The following RAB9B variants were observed in gnomAD, a reference collection of about 807,000 sequenced individuals.
RAB9B encodes the protein RAB9B, member RAS oncogene family, also known as ras-related protein Rab-9B.
A neutral mutation model predicts 8.9 loss-of-function variants in RAB9B; 1 was observed. The ratio of observed to expected loss-of-function variants is 0.11; its 90% confidence interval spans 0.04 to 0.53. The LOEUF (loss-of-function observed/expected upper bound fraction) is 0.53. Among genes scored for constraint, RAB9B ranks in the 20% least tolerant of loss-of-function variants. The probability of loss-of-function intolerance (pLI) is 0.93; values close to 1 mark genes in which losing one functional copy is unlikely to be tolerated. For missense variants in RAB9B, 82 were observed against 152.9 expected, an observed-to-expected ratio of 0.54 and a Z score of 2.45; for synonymous variants, 63 against 57.0, an observed-to-expected ratio of 1.10 and a Z score of -0.47.
Position 103,825,228 on chromosome X carries a change from T to G in RAB9B, c.557A>C (p.His186Pro). ...EEQLEHCMLG[H>P]TIDLNSGSKA... ...GGAGCCACTGTTCAAGTCAATGGTG[T>G]GACCCAACATGCAATGCTCCAGCTG... The change falls in exon 3 of 3, where the codon CAC becomes CCC. Residue 186 changes from histidine (H) to proline (P), a missense_variant. Coordinates refer to ENST00000243298, the MANE Select transcript of RAB9B (RefSeq NM_016370.4). 1 of 1,211,246 alleles carries G rather than the reference T, an allele frequency of 8.3e-7. No homozygotes were observed. Among genetic ancestry groups the G allele is most frequent in the African/African-American group, 1.7e-5 (1 of 57,700 alleles).
rs148062932 is a variant in RAB9B, at chrX:103,825,587, C to T, written c.198G>A (p.Gln66=). Residue 66 remains glutamine, a synonymous_variant, in exon 3 of 3, where the codon CAG becomes CAA. Transcript: ENST00000243298. The stretch of plus-strand genomic sequence containing the variant: ...GTGTCCTAAGGCTCTTGAAACGTTC[C>T]TGCCCTGCAGTGTCCCAGATCTGGA... ...VTLQIWDTAG[Q]ERFKSLRTPF... is the part of the protein sequence containing the mutation. 8.3e-7 allele frequency: 1 copy of T among 1,210,025 alleles called. No homozygotes were observed. The highest frequency in any genetic ancestry group is 1.7e-5 in the African/African-American group (1 of 57,181).
At chrX:103,796,845 T>TACA in the RAB9B span, among the ~76,000 whole-genome samples, 1 of 16,187 alleles carries the variant, frequency 6.2e-5, no homozygotes, top group Non-Finnish European at 1.1e-4. Flanking sequence ...ACACCGCCTC[T>TACA]ACAAAAAAAA....
chrX:103,814,327 C>A, the RAB9B span, among the ~76,000 whole-genome samples: 1 of 111,916 alleles, frequency 8.9e-6, no homozygotes, highest in African/African-American at 3.3e-5. Context: ...CAACCTGCTC[C>A]TGAATGACTA....
the RAB9B span, among the ~76,000 whole-genome samples, chrX:103,808,726 G>A: frequency 5.2e-3 from 582 of 112,954 alleles, 4 homozygotes; most frequent in African/African-American, 0.018. Context: ...TGGGGAGCCA[G>A]AGGCCAGGTG....
At chrX:103,800,579 G>T in the RAB9B span, among the ~76,000 whole-genome samples, 1 of 111,575 alleles carries the variant, frequency 9.0e-6, no homozygotes, top group Admixed American at 9.6e-5. Flanking sequence ...CTTAGATGTG[G>T]TTTTGTCAGT....
the RAB9B span, among the ~76,000 whole-genome samples, chrX:103,794,268 G>T: frequency 1.7e-4 from 19 of 111,530 alleles, no homozygotes; most frequent in Admixed American, 1.8e-3. Context: ...TTGACTTCAC[G>T]TGGCTCTGGG....
chrX:103,790,287 T>G, the RAB9B span, among the ~76,000 whole-genome samples: 1 of 112,651 alleles, frequency 8.9e-6, no homozygotes, highest in African/African-American at 3.2e-5. Flanking sequence ...GGAATAAATC[T>G]TTATGATTTG....
chrX:103,801,162 C>T, the RAB9B span, among the ~76,000 whole-genome samples: 2 of 110,947 alleles, frequency 1.8e-5, no homozygotes, highest in Non-Finnish European at 3.8e-5. Flanking sequence ...ACTAGGTTTC[C>T]TGTTACCGTG....
At chrX:103,776,929 G>T in the RAB9B span, 14 of 1,093,717 alleles carry the variant, frequency 1.3e-5, no homozygotes, top group Non-Finnish European at 1.8e-5. Context: ...GATCCTTCCA[G>T]CTGAACAAAG....
the RAB9B span, chrX:103,776,949 A>G: frequency 2.5e-6 from 3 of 1,184,801 alleles, no homozygotes; most frequent in Non-Finnish European, 3.4e-6. Flanking sequence ...GTCAGCCACA[A>G]AGCAGACTAG....
At chrX:103,832,024 C>T (rs914485745) in intron 1 of RAB9B, 36 bp downstream of exon 1, 2 of 112,728 alleles carry the variant, frequency 1.8e-5, no homozygotes, top group African/African-American at 6.5e-5. Flanking sequence ...CCTCCAGCCC[C>T]TAGCCCCTGT....
the RAB9B span, among the ~76,000 whole-genome samples, chrX:103,783,628 C>T: frequency 8.9e-6 from 1 of 111,983 alleles, no homozygotes; most frequent in Non-Finnish European, 1.9e-5. Flanking sequence ...TCTGTTCACA[C>T]TGATGCAATT....
At chrX:103,784,404 T>C in the RAB9B span, among the ~76,000 whole-genome samples, 1 of 111,803 alleles carries the variant, frequency 8.9e-6, no homozygotes, top group Non-Finnish European at 1.9e-5. Context: ...AGCTGCATTA[T>C]AGGAGGACAA....
At chrX:103,779,092 T>C in the RAB9B span, among the ~76,000 whole-genome samples, 8 of 112,245 alleles carry the variant, frequency 7.1e-5, no homozygotes, top group Admixed American at 7.6e-4. Context: ...ATGGGGAAAA[T>C]GATAGCTCAT....
the RAB9B span, among the ~76,000 whole-genome samples, chrX:103,803,190 T>C: frequency 2.7e-5 from 3 of 112,270 alleles, no homozygotes; most frequent in South Asian, 1.1e-3. Context: ...TGAACATATG[T>C]TTTCAATTCT....
chrX:103,780,468 T>TGC, the RAB9B span, among the ~76,000 whole-genome samples: 219 of 109,643 alleles, frequency 2.0e-3, no homozygotes, highest in African/African-American at 6.1e-3. Context: ...TGTGTGTGTG[T>TGC]GCGCGTCTGA....
In RAB9B at chrX:103,823,756, G is replaced by C. The variant is rs1303021251; in HGVS notation, c.*1423C>G. On this transcript the variant is annotated 3_prime_UTR_variant, in exon 3 of 3. Transcript: ENST00000243298. The stretch of plus-strand genomic sequence containing the variant: ...GGGAGCTTTAAGATGTTTTTTATCA[G>C]TCACATAAAGATTACTCAGAGCTCA... 8.9e-6 allele frequency: 1 copy of C among 111,945 alleles called. No homozygotes were observed. Among genetic ancestry groups the C allele is most frequent in the Non-Finnish European group, 1.9e-5 (1 of 53,193 alleles). The allele number at this position is 111,945 out of a possible 1,213,427, so 9.2% of individuals were successfully genotyped here.
the RAB9B span, among the ~76,000 whole-genome samples, chrX:103,813,207 C>T: frequency 9.1e-6 from 1 of 110,101 alleles, no homozygotes; most frequent in African/African-American, 3.3e-5. Context: ...AAGCTTGAGC[C>T]AGCACGTCCA....
chrX:103,816,256 G>T, the RAB9B span, among the ~76,000 whole-genome samples: 20,838 of 110,151 alleles, frequency 0.19, 1,872 homozygotes, highest in Admixed American at 0.3. Context: ...GAACAGAACA[G>T]AGGTCTCAGA....
Sources: gnomAD v4.1 joint callset for allele counts (sites outside exome capture counted in the v4.1 genomes callset) on GRCh38, gnomAD v4.1.1 for gene constraint, MANE v1.5 for transcripts, NCBI Gene and HGNC (gene_info 2026-07-23, HGNC 2026-07-21) for gene names.